Variants in EIF2B3 observed in about 807,000 individuals in gnomAD.
EIF2B3 encodes translation initiation factor eIF2B subunit gamma.
A neutral mutation model predicts 54.1 loss-of-function variants in EIF2B3; 20 were observed. The ratio of observed to expected loss-of-function variants is 0.37; its 90% CI spans 0.26 to 0.54. EIF2B3 has a LOEUF of 0.54. EIF2B3 is among the 20% of genes least tolerant of loss of function. EIF2B3 has a pLI of 0.86. For missense variants in EIF2B3, 448 were observed against 547.8 expected (o/e 0.82, Z 1.82); for synonymous variants, 153 against 188.1 (o/e 0.81, Z 1.52).
intron 5 of EIF2B3, among the ~76,000 whole-genome samples, chr1:44,900,445 C>CAA (rs34226720): frequency 0.025 from 1,028 of 41,796 alleles, 26 homozygotes; most frequent in Admixed American, 0.09. Flanking sequence ...AGAATCATCT[C>CAA]AAAAAAAAAA....
intron 3 of EIF2B3, among the ~76,000 whole-genome samples, chr1:44,963,020 G>C (rs548853979): frequency 6.6e-6 from 1 of 152,088 alleles, no homozygotes; most frequent in South Asian, 2.1e-4. Context: ...TTGAGCCCAG[G>C]AGTTCGAGCC....
At chr1:44,978,537 T>C in intron 2 of EIF2B3, 77 bp from the exon 3 acceptor site, 1 of 1,509,722 alleles carries the variant, frequency 6.6e-7, no homozygotes, top group Non-Finnish European at 9.1e-7. Context: ...TTCAATTAGA[T>C]TTGGTCTATT....
chr1:44,952,148 A>T (rs1341389165), intron 3 of EIF2B3, among the ~76,000 whole-genome samples: 1 of 137,756 alleles, frequency 7.3e-6, no homozygotes, highest in East Asian at 2.2e-4. Context: ...TATTTTTAGT[A>T]GAGACGGGGT....
chr1:44,885,506 A>G (rs959157126), intron 6 of EIF2B3, among the ~76,000 whole-genome samples: 1 of 152,232 alleles, frequency 6.6e-6, no homozygotes, highest in Non-Finnish European at 1.5e-5. Flanking sequence ...CATTATAGCA[A>G]AAGACTTGAA....
intron 3 of EIF2B3, among the ~76,000 whole-genome samples, chr1:44,956,197 A>G (rs931084187): frequency 6.6e-6 from 1 of 152,214 alleles, no homozygotes; most frequent in Non-Finnish European, 1.5e-5. Flanking sequence ...AAAAAGGATG[A>G]GTTCATGTCC....
intron 8 of EIF2B3, among the ~76,000 whole-genome samples, chr1:44,877,588 A>G (rs1165575507): frequency 1.3e-5 from 2 of 152,158 alleles, no homozygotes; most frequent in South Asian, 4.1e-4. Context: ...GATCCATTTT[A>G]GACAAATTCG....
At chr1:44,859,842 T>C (rs1654552075) in intron 10 of EIF2B3, among the ~76,000 whole-genome samples, 1 of 148,490 alleles carries the variant, frequency 6.7e-6, no homozygotes, top group African/African-American at 2.5e-5. Flanking sequence ...CTGCAACCTC[T>C]GTCTCCCGGG....
At chr1:44,959,273 T>G (rs1644260463) in intron 3 of EIF2B3, 10 of 682,726 alleles carry the variant, frequency 1.5e-5, no homozygotes, top group African/African-American at 1.8e-5. Context: ...ACCTTTTTTT[T>G]TGTGGGTTCT....
chr1:44,933,238 A>G (rs1462508330), intron 4 of EIF2B3, among the ~76,000 whole-genome samples: 3 of 152,228 alleles, frequency 2.0e-5, no homozygotes, highest in Non-Finnish European at 1.5e-5. Context: ...ATATACTACA[A>G]GGCTCAACTG....
At chr1:44,933,781 G>A (rs1377630420) in intron 4 of EIF2B3, among the ~76,000 whole-genome samples, 1 of 152,074 alleles carries the variant, frequency 6.6e-6, no homozygotes, top group Non-Finnish European at 1.5e-5. Context: ...AATGCTATTA[G>A]GTCAAAATGC....
At chr1:44,955,431 A>G (rs1290245420) in intron 3 of EIF2B3, among the ~76,000 whole-genome samples, 2 of 152,216 alleles carry the variant, frequency 1.3e-5, no homozygotes, top group Admixed American at 6.5e-5. Flanking sequence ...AACCTAGGCA[A>G]TACCATTCAG....
intron 5 of EIF2B3, among the ~76,000 whole-genome samples, chr1:44,905,604 T>G (rs1279349550): frequency 6.6e-6 from 1 of 152,174 alleles, no homozygotes; most frequent in Non-Finnish European, 1.5e-5. Context: ...ATGGGTTTGC[T>G]GAACTTGTTC....
intron 5 of EIF2B3, among the ~76,000 whole-genome samples, chr1:44,908,544 A>G (rs1197313533): frequency 1.3e-5 from 2 of 152,246 alleles, no homozygotes; most frequent in African/African-American, 4.8e-5. Flanking sequence ...TAACAGAACT[A>G]TAAGCAATTT....
intron 5 of EIF2B3, 123 bp from the exon 6 acceptor site, chr1:44,897,567 C>T (rs1006896153): frequency 7.7e-6 from 6 of 775,932 alleles, no homozygotes; most frequent in Middle Eastern, 2.3e-4. Context: ...ATGCTGCCTA[C>T]ATCTCTTTCT....
chr1:44,920,233 A>G (rs1301631021), intron 5 of EIF2B3, among the ~76,000 whole-genome samples: 1 of 151,342 alleles, frequency 6.6e-6, no homozygotes, highest in East Asian at 1.9e-4. Flanking sequence ...TCCTTTTTTA[A>G]TTTAATTTTT....
In EIF2B3 at chr1:44,936,451, C is replaced by T. The variant is rs1238756141; in HGVS notation, c.454+5055G>A. Among the ~76,000 whole-genome samples the T allele has an allele frequency of 4.0e-5, 6 of 150,568 alleles. No individual in the cohort carries two copies. The East Asian group carries it at 5.8e-4, about 15-fold the overall frequency. On this transcript the variant is annotated intron_variant, in intron 4 of 11. Transcript: ENST00000360403. ...AAAAAAAAAAAAAAAATTAGCTGAG[C>T]GTGGTGGTGGACGCCTGTAAACCCA...
At chr1:44,912,993 C>T (rs1446340315) in intron 5 of EIF2B3, among the ~76,000 whole-genome samples, 2 of 151,462 alleles carry the variant, frequency 1.3e-5, no homozygotes, top group Non-Finnish European at 2.9e-5. Context: ...TTCTTCCTTG[C>T]TTTCAGAATC....
chr1:44,901,346 C>A (rs1421000277), intron 5 of EIF2B3, among the ~76,000 whole-genome samples: 1 of 151,952 alleles, frequency 6.6e-6, no homozygotes, highest in Non-Finnish European at 1.5e-5. Context: ...AAACTCCTGA[C>A]CTCAGGTGAT....
intron 6 of EIF2B3, among the ~76,000 whole-genome samples, chr1:44,882,931 T>TTC (rs1369144898): frequency 2.1e-5 from 3 of 139,630 alleles, no homozygotes; most frequent in Admixed American, 2.1e-4. Flanking sequence ...TCTTTTTCTT[T>TTC]TTTTTTTTTT....
Sources: allele counts gnomAD v4.1 joint callset (sites outside exome capture counted in the v4.1 genomes callset), GRCh38; gene constraint gnomAD v4.1.1; transcripts MANE v1.5; gene names NCBI Gene and HGNC (gene_info 2026-07-23, HGNC 2026-07-21).